The following VPS13A variants were observed in gnomAD, a reference collection of about 807,000 sequenced individuals.
The protein encoded by VPS13A is intermembrane lipid transfer protein VPS13A.
Under a neutral mutation model 390.9 loss-of-function variants are expected in VPS13A, and 264 were observed. The observed-to-expected ratio is 0.68, with a 90% CI of 0.61 to 0.75. The LOEUF is 0.75. VPS13A is among the 30% of genes least tolerant of loss of function. The pLI is 0.00. For synonymous variants in VPS13A, 1,231 were observed against 1,227.1 expected (o/e 1.00, Z -0.07); for missense variants, 3,409 against 3,733.9 (o/e 0.91, Z 2.27).
At chr9:77,282,034 C>A in intron 28 of VPS13A, 87 bp from the exon 29 acceptor site, 1 of 1,419,022 alleles carries the variant, frequency 7.0e-7, no homozygotes, top group Non-Finnish European at 9.8e-7. Context: ...TAAATTATAT[C>A]CTTTATGCCA....
intron 68 of VPS13A, among the ~76,000 whole-genome samples, chr9:77,399,167 TAAAAAAAAAAAAA>T (rs1834247314): frequency 1.4e-4 from 12 of 86,124 alleles, no homozygotes; most frequent in South Asian, 1.1e-3. Context: ...TAGAGTATAA[TAAAAAAAAAAAAA>T]TAAAAAAAAA....
At position 77,382,031 on chromosome 9, in the gene VPS13A, G is replaced by A. The variant is rs1020019811; in HGVS notation, c.9133G>A (p.Asp3045Asn). Residue 3045 changes from aspartate (D) to asparagine (N), a missense_variant, in exon 68 of 72, where the codon GAT becomes AAT. Physicochemically the swap from Asp to Asn is conservative, Grantham distance 23 (BLOSUM62 1). This residue lies in a region of VPS13A where 318 missense variants were observed against 333.7 expected (regional missense o/e 0.95). Transcript: ENST00000360280. The part of the protein sequence containing the change: ...SLRPPRFFNE[D>N]GVIRPYRLRD... Reference sequence around the variant, plus strand: ...GCGACCTCCTCGGTTCTTCAATGAAGATGGAGTTATCAGACCGTACAGGTT... The same window carrying A: ...GCGACCTCCTCGGTTCTTCAATGAAAATGGAGTTATCAGACCGTACAGGTT... 1 of 1,608,926 alleles carries A rather than the reference G, an allele frequency of 6.2e-7. No individual in the cohort carries two copies. Among genetic ancestry groups the A allele is most frequent in the East Asian group, 2.2e-5 (1 of 44,542 alleles).
chr9:77,237,556 G>A (rs1474454123), intron 17 of VPS13A, among the ~76,000 whole-genome samples: 1 of 150,760 alleles, frequency 6.6e-6, no homozygotes, highest in Non-Finnish European at 1.5e-5. Context: ...GTTGAGACAG[G>A]GTTTCACCAC....
At chr9:77,388,249 AAT>A (rs1833768895) in intron 68 of VPS13A, among the ~76,000 whole-genome samples, 1 of 152,186 alleles carries the variant, frequency 6.6e-6, no homozygotes, top group Non-Finnish European at 1.5e-5. Flanking sequence ...TTTAATCATT[AAT>A]ATTAGTGAGT....
chr9:77,392,086 T>A (rs2131630465), intron 68 of VPS13A, among the ~76,000 whole-genome samples: 1 of 152,286 alleles, frequency 6.6e-6, no homozygotes, highest in Admixed American at 6.5e-5. Flanking sequence ...ATCTTCACAC[T>A]CTCATTCCTG....
intron 68 of VPS13A, among the ~76,000 whole-genome samples, chr9:77,383,934 G>A (rs1352325047): frequency 1.3e-5 from 2 of 150,068 alleles, no homozygotes; most frequent in Non-Finnish European, 3.0e-5. Context: ...GGTATAAAAA[G>A]TGGATTGTTG....
chr9:77,309,511 A>G (rs766967737), intron 35 of VPS13A, among the ~76,000 whole-genome samples: 19 of 152,322 alleles, frequency 1.2e-4, no homozygotes, highest in Non-Finnish European at 2.2e-4. Flanking sequence ...TACCCAAACT[A>G]TATTTTTTCC....
At chr9:77,405,779 C>T (rs148143207) in intron 69 of VPS13A, 85 bp from the exon 70 acceptor site, 8 of 1,551,012 alleles carry the variant, frequency 5.2e-6, no homozygotes, top group Non-Finnish European at 6.2e-6. Context: ...TGCATTTGCA[C>T]TTGCGATTCA....
At chr9:77,235,220 G>T (rs1380835954) in intron 17 of VPS13A, among the ~76,000 whole-genome samples, 1 of 152,092 alleles carries the variant, frequency 6.6e-6, no homozygotes, top group Non-Finnish European at 1.5e-5. Flanking sequence ...AACCTTTCTT[G>T]TAGGGCAGGT....
chr9:77,332,543 G>T (rs536578436), intron 46 of VPS13A, among the ~76,000 whole-genome samples: 2 of 151,438 alleles, frequency 1.3e-5, no homozygotes, highest in Non-Finnish European at 2.9e-5. Flanking sequence ...ATTGTTCAGG[G>T]TTGGAGTTGT....
intron 68 of VPS13A, among the ~76,000 whole-genome samples, chr9:77,391,020 G>T (rs1462534060): frequency 1.3e-5 from 2 of 152,074 alleles, no homozygotes; most frequent in African/African-American, 4.8e-5. Flanking sequence ...TTAAGCCCAG[G>T]TACGTTCAAT....
intron 68 of VPS13A, among the ~76,000 whole-genome samples, chr9:77,397,426 C>T (rs979347086): frequency 1.3e-5 from 2 of 152,120 alleles, no homozygotes; most frequent in African/African-American, 4.8e-5. Context: ...TGTTCTTGTC[C>T]TTTAACCAAT....
chr9:77,349,130 G>C (rs1346618585), intron 52 of VPS13A, among the ~76,000 whole-genome samples: 2 of 152,054 alleles, frequency 1.3e-5, no homozygotes, highest in African/African-American at 4.8e-5. Flanking sequence ...TGTGAAAGAG[G>C]ACCATAATCC....
chr9:77,324,567 C>T (rs1362238807), intron 45 of VPS13A, among the ~76,000 whole-genome samples: 1 of 152,124 alleles, frequency 6.6e-6, no homozygotes, highest in East Asian at 1.9e-4. Context: ...TTAGATCAAC[C>T]TTGCATTCCT....
chr9:77,256,936 T>C (rs1825481602), intron 22 of VPS13A, among the ~76,000 whole-genome samples: 1 of 152,180 alleles, frequency 6.6e-6, no homozygotes, highest in Admixed American at 6.5e-5. Context: ...CATCCTGTTT[T>C]TTAATCCATT....
chr9:77,285,946 T>C (rs1827297865), intron 31 of VPS13A, among the ~76,000 whole-genome samples: 1 of 152,206 alleles, frequency 6.6e-6, no homozygotes, highest in African/African-American at 2.4e-5. Flanking sequence ...TGTATCTTGC[T>C]GATTATGTTT....
intron 60 of VPS13A, among the ~76,000 whole-genome samples, chr9:77,366,418 A>T (rs2131579479): frequency 6.6e-6 from 1 of 152,274 alleles, no homozygotes; most frequent in Non-Finnish European, 1.5e-5. Flanking sequence ...GTCATTTTCA[A>T]CAGCTTCAAC....
At chr9:77,220,138 T>C in intron 11 of VPS13A, 57 bp downstream of exon 11, 1 of 1,551,898 alleles carries the variant, frequency 6.4e-7, no homozygotes, top group Non-Finnish European at 8.8e-7. Context: ...AAAGCAAAAC[T>C]AAGATTTTAA....
At chr9:77,341,993 G>A (rs1237166481) in intron 50 of VPS13A, among the ~76,000 whole-genome samples, 2 of 152,030 alleles carry the variant, frequency 1.3e-5, no homozygotes, top group Non-Finnish European at 2.9e-5. Flanking sequence ...AGTCTAATGT[G>A]GGAAAGTCTG....
Sources: allele counts gnomAD v4.1 joint callset (sites outside exome capture counted in the v4.1 genomes callset), GRCh38; gene constraint gnomAD v4.1.1; regional missense constraint gnomAD v4.1.1; transcripts MANE v1.5; gene names NCBI Gene and HGNC (gene_info 2026-07-23, HGNC 2026-07-21).